QTRT2: variants seen among roughly 807,000 people sequenced by gnomAD.
The protein encoded by QTRT2 is queuine tRNA-ribosyltransferase accessory subunit 2.
QTRT2 carries 32 observed loss-of-function variants against 44.8 expected under a neutral mutation model. That is an observed-to-expected ratio of 0.71 (90% CI 0.54 to 0.96). The LOEUF (loss-of-function observed/expected upper bound fraction) is 0.96, where lower values mean the gene tolerates loss of function less well. QTRT2 is among the 40% of genes least tolerant of loss of function. The pLI, the probability that QTRT2 is intolerant of heterozygous loss-of-function variation, is 0.00. For missense variants in QTRT2, 461 were observed against 503.1 expected (o/e 0.92, Z 0.80); for synonymous variants, 182 against 187.4 (o/e 0.97, Z 0.24).
In QTRT2 at chr3:114,088,245, C is replaced by G. The variant is rs868100170; in HGVS notation, c.*2341C>G. The G allele has an allele frequency of 6.6e-6, 1 of 152,136 alleles. No individual in the cohort carries two copies. Among genetic ancestry groups the G allele is most frequent in the Non-Finnish European group, 1.5e-5 (1 of 68,006 alleles). The allele number at this position is 152,136 out of a possible 1,614,324, so 9.4% of individuals were successfully genotyped here. On this transcript the variant is annotated 3_prime_UTR_variant, in exon 10 of 10. Coordinates refer to ENST00000281273, the MANE Select transcript of QTRT2 (RefSeq NM_024638.4). The stretch of plus-strand genomic sequence containing the variant: ...AACTGTGTCCAATATCGTTCAGTTT[C>G]CTGGGTCTTTTTCTTATTAGCACAT...
At chr3:114,079,450 G>C (rs2077135375) in intron 7 of QTRT2, 1 of 153,748 alleles carries the variant, frequency 6.5e-6, no homozygotes, top group East Asian at 1.9e-4. Flanking sequence ...GCTGAGGCAG[G>C]AGAATTACTC....
At position 114,076,847 on chromosome 3, in the gene QTRT2, C is replaced by T; in HGVS notation, c.651C>T (p.Phe217=). ...RETAKRPVGG[F]LLDGFQGNPT... ...CAGCCAAGCGGCCTGTGGGTGGCTT[C>T]CTTCTGGATGGTTTTCAAGGAAATC... Residue 217 remains phenylalanine, a synonymous_variant, in exon 7 of 10, where the codon TTC becomes TTT. Coordinates refer to ENST00000281273, the MANE Select transcript of QTRT2 (RefSeq NM_024638.4). 1.2e-6 allele frequency: 2 copies of T among 1,614,188 alleles called. No homozygotes were observed.
At chr3:114,069,989 C>T (rs1311101284) in intron 5 of QTRT2, among the ~76,000 whole-genome samples, 1 of 152,120 alleles carries the variant, frequency 6.6e-6, no homozygotes, top group Non-Finnish European at 1.5e-5. Context: ...GTAATAAGTG[C>T]TATCATTTCT....
At chr3:114,072,678 T>C (rs1423938382) in intron 6 of QTRT2, among the ~76,000 whole-genome samples, 1 of 152,210 alleles carries the variant, frequency 6.6e-6, no homozygotes, top group African/African-American at 2.4e-5. Flanking sequence ...CCCTTCAATA[T>C]TGAAGCTCTC....
At chr3:114,056,919 G>A in intron 1 of QTRT2, 55 bp downstream of exon 1, 1 of 1,526,738 alleles carries the variant, frequency 6.5e-7, no homozygotes. Context: ...GATGAGTCAC[G>A]TCGCGTCCAG....
chr3:114,065,131 TAAGC>T, intron 2 of QTRT2, 102 bp from the exon 3 acceptor site: 5 of 713,558 alleles, frequency 7.0e-6, no homozygotes, highest in Non-Finnish European at 4.8e-6. Context: ...GAAGCAGTAA[TAAGC>T]ATGCTATCAT....
At chr3:114,075,892 C>T (rs1577536919) in intron 6 of QTRT2, among the ~76,000 whole-genome samples, 1 of 152,196 alleles carries the variant, frequency 6.6e-6, no homozygotes, top group East Asian at 1.9e-4. Flanking sequence ...TAAAAATACT[C>T]AATATATTCT....
At position 114,065,380 on chromosome 3, in the gene QTRT2, C is replaced by T. The variant is rs375382135; in HGVS notation, c.123C>T (p.Ser41=). ...PGCLLYTKTG[S]APHLTHHTLH... ...GCCTTCTGTATACCAAGACTGGCTC[C>T]GCCCCACACCTCACCCATCACACGC... The change falls in exon 3 of 10, where the codon TCC becomes TCT. Residue 41 remains serine, a synonymous_variant. Coordinates refer to ENST00000281273, the MANE Select transcript of QTRT2 (RefSeq NM_024638.4). 1.4e-5 allele frequency: 22 copies of T among 1,614,032 alleles called. No individual in the cohort carries two copies. Among genetic ancestry groups the T allele is most frequent in the Middle Eastern group, 1.6e-4 (1 of 6,082 alleles).
rs762113639 is a variant in QTRT2 at position 114,080,003 on chromosome 3, C to G, written c.844C>G (p.Arg282Gly). The change falls in exon 8 of 10, where the codon CGG (arginine) becomes GGG (glycine). Residue 282 changes from arginine (R) to glycine (G), a missense_variant. Physicochemically the swap from Arg to Gly is moderately radical, Grantham distance 125 (BLOSUM62 -2). Transcript: ENST00000281273. ...TTTTTTCCCTTATCAAGTAACAGAGCGGGGATGTGCCCTGACTTTCAGTTT... is the reference window on the plus strand; with the variant it reads ...TTTTTTCCCTTATCAAGTAACAGAGGGGGGATGTGCCCTGACTTTCAGTTT... Reference protein sequence around the residue: ...ESFFPYQVTERGCALTFSFDY... With the variant: ...ESFFPYQVTEGGCALTFSFDY... The G allele has an allele frequency of 4.3e-6, 7 of 1,613,318 alleles. No homozygotes were observed. Among genetic ancestry groups the G allele is most frequent in the Non-Finnish European group, 5.9e-6 (7 of 1,179,560 alleles).
At position 114,082,207 on chromosome 3, in the gene QTRT2, CA is replaced by C. The variant is rs2077175312; in HGVS notation, c.899-469del. ...ATAAGGGATAGTGATAACCCCACCA[CA>C]CACACACACACACACACACACACAC... On this transcript the variant is annotated intron_variant, in intron 8 of 9. Transcript: ENST00000281273. 8.8e-4 allele frequency among the ~76,000 whole-genome samples: 3 copies of C among 3,396 alleles called. No homozygotes were observed. In the Non-Finnish European group the frequency reaches 9.0e-3, roughly 10 times the overall value. 2.2% of individuals were successfully genotyped at this position (3,396 alleles called of 152,430 possible).
chr3:114,068,270 C>T (rs2076980314), intron 5 of QTRT2: 2 of 418,594 alleles, frequency 4.8e-6, no homozygotes, highest in South Asian at 8.2e-5. Flanking sequence ...ACTGTATCCT[C>T]AGCATTTTCA....
chr3:114,060,378 T>C (rs530286842), intron 2 of QTRT2, among the ~76,000 whole-genome samples: 1 of 152,306 alleles, frequency 6.6e-6, no homozygotes, highest in Non-Finnish European at 1.5e-5. Flanking sequence ...AATCTGAGAT[T>C]GGTTGTTTGG....
Position 114,057,112 on chromosome 3 carries a change from G to C in QTRT2, c.-22+6G>C. 7.6e-7 allele frequency: 1 copy of C among 1,321,922 alleles called. No individual in the cohort carries two copies. The highest frequency in any genetic ancestry group is 2.8e-4 in the Middle Eastern group (1 of 3,522). 81.9% of individuals were successfully genotyped at this position (1,321,922 alleles called of 1,614,324 possible). ...CGACTAGCCTCTGCTGAAAGGTAGA[G>C]TTTTCAGGAAGTTTTTATTCCGAAC... On this transcript the variant is annotated splice_donor_region_variant and intron_variant, in intron 2 of 9. Coordinates refer to ENST00000281273, the MANE Select transcript of QTRT2 (RefSeq NM_024638.4).
chr3:114,078,212 A>G (rs1445821567), intron 7 of QTRT2: 1 of 152,156 alleles, frequency 6.6e-6, no homozygotes, highest in Admixed American at 6.5e-5. Flanking sequence ...GGTGCACATA[A>G]CACTTCAGCA....
chr3:114,062,344 G>C (rs1314440679), intron 2 of QTRT2, among the ~76,000 whole-genome samples: 2 of 143,312 alleles, frequency 1.4e-5, no homozygotes, highest in Non-Finnish European at 1.5e-5. Flanking sequence ...ACTCCAGCCT[G>C]GGCAATAGAG....
intron 9 of QTRT2, among the ~76,000 whole-genome samples, chr3:114,084,060 C>CTT (rs36088762): frequency 1.8e-4 from 24 of 134,732 alleles, no homozygotes; most frequent in African/African-American, 3.8e-4. Flanking sequence ...TCACTTTTTT[C>CTT]TTTTTTTTTT....
In QTRT2 at chr3:114,076,758, G is replaced by T. The variant is rs770453840; in HGVS notation, c.562G>T (p.Val188Leu). Residue 188 changes from valine to leucine, a missense_variant, in exon 7 of 10, where the codon GTG becomes TTG. Transcript: ENST00000281273. ...CTTACCTCAGGTTCTTCAGAAGAGT[G>T]TGATCATTGGAGTGATTGAAGGTGG... ...QEESEVLQKSVIIGVIEGGDV... is the reference protein window; with the variant it reads ...QEESEVLQKSLIIGVIEGGDV... The T allele has an allele frequency of 1.2e-6, 2 of 1,614,208 alleles. No homozygotes were observed. The highest frequency in any genetic ancestry group is 2.2e-5 in the South Asian group (2 of 91,088).
At chr3:114,059,389 A>G (rs1470974320) in intron 2 of QTRT2, among the ~76,000 whole-genome samples, 1 of 152,194 alleles carries the variant, frequency 6.6e-6, no homozygotes, top group Admixed American at 6.5e-5. Context: ...TGTTTCTTGA[A>G]CTTTCCTTGG....
intron 5 of QTRT2, among the ~76,000 whole-genome samples, chr3:114,069,026 C>T (rs1001833422): frequency 6.6e-6 from 1 of 151,596 alleles, no homozygotes; most frequent in Non-Finnish European, 1.5e-5. Flanking sequence ...TGCATTCTAG[C>T]CTGGGTGATA....
Sources: allele counts gnomAD v4.1 joint callset (sites outside exome capture counted in the v4.1 genomes callset), GRCh38; gene constraint gnomAD v4.1.1; transcripts MANE v1.5; gene names NCBI Gene and HGNC (gene_info 2026-07-23, HGNC 2026-07-21).